IL1RAPL1: variants seen among roughly 807,000 people sequenced by gnomAD.
IL1RAPL1 encodes interleukin-1 receptor accessory protein-like 1.
Under a neutral mutation model 48.4 loss-of-function variants are expected in IL1RAPL1, and 3 were observed. The observed-to-expected ratio is 0.06, with a 90% CI of 0.03 to 0.16. The LOEUF (loss-of-function observed/expected upper bound fraction) is 0.16, where lower values mean the gene tolerates loss of function less well. IL1RAPL1 is among the 10% of genes least tolerant of loss of function. The pLI is 1.00. For missense variants in IL1RAPL1, 349 were observed against 530.6 expected, an observed-to-expected ratio of 0.66 and a Z score of 3.36; for synonymous variants, 185 against 187.7, an observed-to-expected ratio of 0.99 and a Z score of 0.12.
chrX:29,868,072 T>C (rs1931729366), intron 6 of IL1RAPL1, among the ~76,000 whole-genome samples: 1 of 112,181 alleles, frequency 8.9e-6, no homozygotes, highest in Admixed American at 9.4e-5. Context: ...GTAGCAAATT[T>C]ATTACAAAGC....
chrX:28,762,813 C>G (rs1353787181), intron 1 of IL1RAPL1, among the ~76,000 whole-genome samples: 14 of 98,663 alleles, frequency 1.4e-4, no homozygotes, highest in African/African-American at 5.1e-4. Context: ...CACACACACA[C>G]ACACACACAC....
At chrX:29,734,014 T>G (rs1327435210) in intron 6 of IL1RAPL1, among the ~76,000 whole-genome samples, 2 of 112,886 alleles carry the variant, frequency 1.8e-5, no homozygotes. Context: ...TCTGCGCAAG[T>G]TGAAACAGAT....
intron 2 of IL1RAPL1, among the ~76,000 whole-genome samples, chrX:28,875,414 T>G (rs1168957581): frequency 1.8e-5 from 2 of 112,641 alleles, no homozygotes; most frequent in African/African-American, 6.4e-5. Flanking sequence ...TAGTCTAGGT[T>G]ACATTGTAGT....
chrX:29,901,650 C>T (rs1053093900), intron 6 of IL1RAPL1, among the ~76,000 whole-genome samples: 5 of 111,832 alleles, frequency 4.5e-5, no homozygotes, highest in Non-Finnish European at 9.4e-5. Flanking sequence ...AAAGAATTTA[C>T]TGAGTAATGA....
chrX:28,751,002 G>A (rs753117926), intron 1 of IL1RAPL1, among the ~76,000 whole-genome samples: 20 of 111,860 alleles, frequency 1.8e-4, no homozygotes, highest in Non-Finnish European at 2.6e-4. Flanking sequence ...ATTTCTCAAC[G>A]CTGGCTGTAG....
At chrX:29,081,024 CTTTTCTTTTCTTTTCTTT>C (rs1275043377) in intron 2 of IL1RAPL1, among the ~76,000 whole-genome samples, 1 of 41,499 alleles carries the variant, frequency 2.4e-5, no homozygotes, top group African/African-American at 8.2e-5. Context: ...CTCTCTCTTT[CTTTTCTTTTCTTTTCTTT>C]TCTTTTCTTT....
intron 6 of IL1RAPL1, among the ~76,000 whole-genome samples, chrX:29,775,903 C>G (rs1161012765): frequency 9.0e-6 from 1 of 111,220 alleles, no homozygotes; most frequent in African/African-American, 3.3e-5. Flanking sequence ...AGGACTCTGA[C>G]AGTAATTTTT....
intron 6 of IL1RAPL1, among the ~76,000 whole-genome samples, chrX:29,740,467 C>G (rs1437141329): frequency 8.9e-6 from 1 of 111,961 alleles, no homozygotes; most frequent in African/African-American, 3.2e-5. Context: ...TCAGAAATTT[C>G]TTAATTCAAT....
chrX:29,907,849 A>ACTTG (rs1291296385), intron 6 of IL1RAPL1, among the ~76,000 whole-genome samples: 1 of 79,135 alleles, frequency 1.3e-5, no homozygotes, highest in African/African-American at 8.5e-5. Flanking sequence ...GGATTTGTTT[A>ACTTG]ATTGTTTATT....
chrX:28,657,499 A>G (rs1934763089), intron 1 of IL1RAPL1, among the ~76,000 whole-genome samples: 1 of 112,611 alleles, frequency 8.9e-6, no homozygotes, highest in Admixed American at 9.4e-5. Context: ...AAAAAGGTTT[A>G]ACTATCTTGC....
In IL1RAPL1 at chrX:29,641,406, C is replaced by A. The variant is rs775230552; in HGVS notation, c.704-27024C>A. ...CCACCTAAGTGCCTTTGAACTTGAT[C>A]ATCTCTATGACTGGAATGCTCTTCT... On this transcript the variant is annotated intron_variant, in intron 5 of 10. Transcript: ENST00000378993. Among the ~76,000 whole-genome samples the A allele has an allele frequency of 2.7e-5, 3 of 112,354 alleles. No homozygotes were observed. In the South Asian group the frequency reaches 1.1e-3, roughly 41 times the overall value.
intron 5 of IL1RAPL1, among the ~76,000 whole-genome samples, chrX:29,578,899 T>C (rs1414911216): frequency 8.9e-6 from 1 of 112,099 alleles, no homozygotes; most frequent in African/African-American, 3.2e-5. Context: ...GCCTCATTAA[T>C]GAATGGGCAA....
chrX:28,737,039 A>C (rs1477776013), intron 1 of IL1RAPL1, among the ~76,000 whole-genome samples: 2 of 103,812 alleles, frequency 1.9e-5, no homozygotes, highest in East Asian at 6.3e-4. Flanking sequence ...CTCAGCCCTG[A>C]ATATTTCCTT....
At chrX:28,781,964 A>G (rs1936428557) in intron 1 of IL1RAPL1, among the ~76,000 whole-genome samples, 1 of 111,831 alleles carries the variant, frequency 8.9e-6, no homozygotes, top group African/African-American at 3.2e-5. Flanking sequence ...GAATATACAA[A>G]ATTACAATCA....
At chrX:28,839,825 G>T (rs1033602250) in intron 2 of IL1RAPL1, among the ~76,000 whole-genome samples, 3 of 110,829 alleles carry the variant, frequency 2.7e-5, no homozygotes, top group African/African-American at 6.5e-5. Context: ...GAGTTGGAGG[G>T]AATTCATTCA....
intron 5 of IL1RAPL1, among the ~76,000 whole-genome samples, chrX:29,434,105 T>A (rs191587275): frequency 0.028 from 3,109 of 109,917 alleles, 128 homozygotes; most frequent in African/African-American, 0.097. Context: ...GGTATTTTTT[T>A]AAAAAATTAA....
intron 2 of IL1RAPL1, among the ~76,000 whole-genome samples, chrX:28,808,148 C>T (rs1936752564): frequency 9.0e-6 from 1 of 111,418 alleles, no homozygotes; most frequent in African/African-American, 3.3e-5. Context: ...AAAGGATGGA[C>T]AATGCCAGTG....
chrX:28,970,015 A>ATGTTTCTAAACACATATATATGTTTC (rs1171953851), intron 2 of IL1RAPL1, among the ~76,000 whole-genome samples: 5 of 110,785 alleles, frequency 4.5e-5, no homozygotes, highest in Admixed American at 2.9e-4. Context: ...ACATATATAT[A>ATGTTTCTAAACACATATATATGTTTC]TAAAGATAAA....
At chrX:29,690,653 G>C (rs1056018053) in intron 6 of IL1RAPL1, among the ~76,000 whole-genome samples, 17 of 111,792 alleles carry the variant, frequency 1.5e-4, no homozygotes, top group African/African-American at 5.2e-4. Flanking sequence ...GTATTTCTAT[G>C]AGTTTTACTG....
Sources: allele counts gnomAD v4.1 joint callset (sites outside exome capture counted in the v4.1 genomes callset), GRCh38; gene constraint gnomAD v4.1.1; transcripts MANE v1.5; gene names NCBI Gene and HGNC (gene_info 2026-07-23, HGNC 2026-07-21).